The following PLEKHB1 variants were observed in gnomAD, a reference collection of about 807,000 sequenced individuals.
The protein encoded by PLEKHB1 is pleckstrin homology domain-containing family B member 1.
Under a neutral mutation model 36.2 loss-of-function variants are expected in PLEKHB1, and 29 were observed. The ratio of observed to expected loss-of-function variants is 0.80; its 90% CI spans 0.60 to 1.09. PLEKHB1 has a LOEUF of 1.09. Among genes scored for constraint, PLEKHB1 ranks in the 50% least tolerant of loss-of-function variants. The pLI is 0.00. For synonymous variants in PLEKHB1, 138 were observed against 140.0 expected (o/e 0.99, Z 0.10); for missense variants, 330 against 348.2 (o/e 0.95, Z 0.42).
chr11:73,661,666 C>T lies in PLEKHB1; in HGVS notation c.*64C>T. On this transcript the variant is annotated 3_prime_UTR_variant, in exon 8 of 8. Coordinates refer to ENST00000354190, the MANE Select transcript of PLEKHB1 (RefSeq NM_021200.3). The surrounding 1 kb of genome is among the most constrained non-coding windows in gnomAD (Gnocchi z 4.6). Reference sequence around the variant, plus strand: ...GCTAGACTCCTCTTCCTCCTGGACCCCATCCTCTACCATCCAAGCCCTGTC... The same window carrying T: ...GCTAGACTCCTCTTCCTCCTGGACCTCATCCTCTACCATCCAAGCCCTGTC... 6.6e-7 allele frequency: 1 copy of T among 1,503,918 alleles called. No individual in the cohort carries two copies. Among genetic ancestry groups the T allele is most frequent in the East Asian group, 2.3e-5 (1 of 43,510 alleles). 93.2% of individuals were successfully genotyped at this position (1,503,918 alleles called of 1,614,324 possible). A position where few individuals can be genotyped will look rare whatever the true frequency, so the allele number is the denominator to read the frequency against.
Position 73,650,681 on chromosome 11 carries a change from A to C in PLEKHB1, c.223A>C (p.Ile75Leu). 1 of 1,608,842 alleles carries C rather than the reference A, an allele frequency of 6.2e-7. No individual in the cohort carries two copies. The highest frequency in any genetic ancestry group is 8.5e-7 in the Non-Finnish European group (1 of 1,177,544). The part of the protein sequence containing the change: ...RVLIHFNVRD[I>L]KIGPECHDVQ... Reference sequence around the variant, plus strand: ...GCTCATCCACTTCAATGTCCGTGACATAAAGATCGGCCCAGAGTGCCATGG... The same window carrying C: ...GCTCATCCACTTCAATGTCCGTGACCTAAAGATCGGCCCAGAGTGCCATGG... Residue 75 changes from isoleucine (I) to leucine (L), a missense_variant, in exon 3 of 8, where the codon ATA becomes CTA. Ile to Leu is a conservative substitution (Grantham distance 5). Transcript: ENST00000354190.
intron 3 of PLEKHB1, among the ~76,000 whole-genome samples, chr11:73,651,005 A>G (rs960354944): frequency 1.3e-5 from 2 of 151,596 alleles, no homozygotes; most frequent in Non-Finnish European, 2.9e-5. Context: ...CTCTTAAAAA[A>G]AAAAAAATTG....
intron 5 of PLEKHB1, among the ~76,000 whole-genome samples, chr11:73,653,677 G>A (rs1236510669): frequency 3.9e-5 from 6 of 152,206 alleles, no homozygotes; most frequent in African/African-American, 9.6e-5. Context: ...TGTGGGGATC[G>A]GGTAAAGGGC....
chr11:73,657,338 A>G (rs928408949), intron 6 of PLEKHB1, among the ~76,000 whole-genome samples: 11 of 152,174 alleles, frequency 7.2e-5, no homozygotes, highest in African/African-American at 2.7e-4. Flanking sequence ...GGTATTTTCC[A>G]TGCCCAAACT....
chr11:73,650,994 T>A (rs1383597027), intron 3 of PLEKHB1, among the ~76,000 whole-genome samples: 1 of 149,992 alleles, frequency 6.7e-6, no homozygotes, highest in Non-Finnish European at 1.5e-5. Context: ...CGAGACCCTG[T>A]CTCTTAAAAA....
intron 5 of PLEKHB1, chr11:73,653,240 G>A: frequency 1.5e-6 from 1 of 653,908 alleles, no homozygotes. Context: ...GGAGGGAGTG[G>A]CACATGAGCT....
At chr11:73,652,763 GAGA>G in intron 4 of PLEKHB1, 1 of 507,558 alleles carries the variant, frequency 2.0e-6, no homozygotes, top group Middle Eastern at 4.8e-4. Context: ...TAGAGGGGAC[GAGA>G]AGAATGAATT....
intron 1 of PLEKHB1, chr11:73,647,552 C>A (rs1944791207): frequency 1.0e-6 from 1 of 985,472 alleles, no homozygotes; most frequent in Non-Finnish European, 1.2e-6. Flanking sequence ...TCACGTCACT[C>A]CCCCTCCCTG....
At chr11:73,648,606 T>C in intron 1 of PLEKHB1, 1 of 995,322 alleles carries the variant, frequency 1.0e-6, no homozygotes, top group Non-Finnish European at 1.2e-6. Context: ...TTTAAGAGTC[T>C]CATGCTCCAC....
intron 1 of PLEKHB1, chr11:73,648,554 A>T: frequency 1.1e-6 from 1 of 897,588 alleles, no homozygotes; most frequent in Non-Finnish European, 1.3e-6. Flanking sequence ...TGATTCTAAT[A>T]TTCTGCACTT....
chr11:73,660,295 A>C (rs1470129742), intron 6 of PLEKHB1: 5 of 170,650 alleles, frequency 2.9e-5, no homozygotes, highest in Non-Finnish European at 6.3e-5. Context: ...AAGACGCATA[A>C]CTGTATTTTA....
intron 3 of PLEKHB1, chr11:73,651,276 G>C (rs990335191): frequency 2.9e-5 from 11 of 372,948 alleles, no homozygotes; most frequent in Non-Finnish European, 5.3e-5. Context: ...AGGATTGCTT[G>C]AGCCTGGGAG....
At chr11:73,651,755 T>C (rs748836065) in intron 3 of PLEKHB1, 33 bp from the exon 4 acceptor site, 11 of 1,569,618 alleles carry the variant, frequency 7.0e-6, no homozygotes, top group Middle Eastern at 1.7e-4. Context: ...GGCTTGTGCC[T>C]GTGGAAACCC....
At chr11:73,647,848 G>T in intron 1 of PLEKHB1, 7 of 972,612 alleles carry the variant, frequency 7.2e-6, no homozygotes, top group Non-Finnish European at 8.6e-6. Flanking sequence ...AACAGACAAG[G>T]CTGGGCCTTC....
At position 73,661,479 on chromosome 11, in the gene PLEKHB1, G is replaced by T. The variant is rs569012895; in HGVS notation, c.609G>T (p.Thr203=). Residue 203 remains threonine, a synonymous_variant, in exon 8 of 8, where the codon ACG becomes ACT. Coordinates refer to ENST00000354190, the MANE Select transcript of PLEKHB1 (RefSeq NM_021200.3). The surrounding 1 kb of genome is among the most constrained non-coding windows in gnomAD (Gnocchi z 4.6). ...CTCCCTCTGCAGGCCCTGGCGTGAC[G>T]CACGTGATAGTGCGGGAGGATCCCT... is the stretch of plus-strand genomic sequence containing the variant. ...YGPPYAGPGV[T]HVIVREDPCY... is the part of the protein sequence containing the mutation. 9.9e-6 allele frequency: 16 copies of T among 1,613,814 alleles called. No homozygotes were observed. In the South Asian group the frequency reaches 1.8e-4, roughly 18 times the overall value.
chr11:73,654,113 TG>T (rs531080012), intron 5 of PLEKHB1, among the ~76,000 whole-genome samples: 2 of 152,050 alleles, frequency 1.3e-5, no homozygotes, highest in Non-Finnish European at 2.9e-5. Context: ...CTTAGGAGGC[TG>T]GGACAGTGTC....
intron 4 of PLEKHB1, chr11:73,652,140 A>G: frequency 1.9e-6 from 1 of 521,092 alleles, no homozygotes; most frequent in Non-Finnish European, 3.5e-6. Flanking sequence ...CACCTGCCTC[A>G]GGTATCTGGT....
rs1945133880 is a variant in PLEKHB1, at chr11:73,661,933, T to C, written c.*331T>C. 3 of 270,932 alleles carry C rather than the reference T, an allele frequency of 1.1e-5. No homozygotes were observed. Among genetic ancestry groups the C allele is most frequent in the Non-Finnish European group, 2.1e-5 (3 of 141,682 alleles). 16.8% of individuals were successfully genotyped at this position (270,932 alleles called of 1,614,324 possible). ...TTGGCTTCGAGTTCCCCAGGCGCTG[T>C]AGACACAACATGAATCGGGCTCTCT... On this transcript the variant is annotated 3_prime_UTR_variant, in exon 8 of 8. Transcript: ENST00000354190. This position sits in a 1 kb window ranked among gnomAD's most constrained non-coding sequence, Gnocchi z 4.6.
chr11:73,654,862 C>T (rs1336229827), intron 5 of PLEKHB1, among the ~76,000 whole-genome samples: 2 of 152,186 alleles, frequency 1.3e-5, no homozygotes, highest in Non-Finnish European at 2.9e-5. Flanking sequence ...AATGGACTTT[C>T]CCTGAGGCCT....
Sources: allele counts gnomAD v4.1 joint callset (sites outside exome capture counted in the v4.1 genomes callset), GRCh38; gene constraint gnomAD v4.1.1; non-coding constraint Gnocchi (gnomAD v3.1); transcripts MANE v1.5; gene names NCBI Gene and HGNC (gene_info 2026-07-23, HGNC 2026-07-21).